NFKB1: variants seen among roughly 807,000 people sequenced by gnomAD.
NFKB1 encodes the protein nuclear factor NF-kappa-B p105 subunit.
In NFKB1, 9 loss-of-function variants were observed where a neutral mutation model predicts 105.1. The observed-to-expected ratio is 0.09, with a 90% CI of 0.05 to 0.15. The LOEUF (loss-of-function observed/expected upper bound fraction) is 0.15. NFKB1 is among the 10% of genes least tolerant of loss of function. NFKB1 has a pLI of 1.00. For synonymous variants in NFKB1, 440 were observed against 442.2 expected, an observed-to-expected ratio of 1.00 and a Z score of 0.06; for missense variants, 830 against 1,203.7, an observed-to-expected ratio of 0.69 and a Z score of 4.59.
intron 5 of NFKB1, among the ~76,000 whole-genome samples, chr4:102,545,086 A>G (rs983503359): frequency 1.3e-5 from 2 of 152,248 alleles, no homozygotes; most frequent in Admixed American, 6.5e-5. Flanking sequence ...CATATTGGCA[A>G]TTCGCCTTGA....
intron 6 of NFKB1, among the ~76,000 whole-genome samples, chr4:102,570,935 TC>T (rs1169448510): frequency 6.6e-6 from 1 of 152,090 alleles, no homozygotes; most frequent in African/African-American, 2.4e-5. Context: ...TTCAATGCCA[TC>T]CCCATCAAGC....
At chr4:102,596,422 A>T in intron 14 of NFKB1, 90 bp downstream of exon 14, 2 of 1,026,578 alleles carry the variant, frequency 1.9e-6, no homozygotes, top group South Asian at 4.9e-5. Context: ...TAAAGATGAT[A>T]TATCAATATC....
intron 11 of NFKB1, among the ~76,000 whole-genome samples, chr4:102,585,628 A>T (rs1014985794): frequency 2.0e-5 from 3 of 152,190 alleles, no homozygotes; most frequent in Non-Finnish European, 4.4e-5. Context: ...TAGGTTTCTT[A>T]AATAGTTATA....
At chr4:102,529,399 A>G (rs531190361) in intron 2 of NFKB1, among the ~76,000 whole-genome samples, 3 of 152,312 alleles carry the variant, frequency 2.0e-5, no homozygotes, top group East Asian at 3.9e-4. Context: ...TGAGGGGTAT[A>G]TTTACCACCA....
chr4:102,593,311 T>A, intron 11 of NFKB1, 114 bp from the exon 12 acceptor site: 1 of 1,001,756 alleles, frequency 1.0e-6, no homozygotes, highest in Non-Finnish European at 1.5e-6. Context: ...TTTGAGTGCT[T>A]TCTATTTCCC....
intron 20 of NFKB1, among the ~76,000 whole-genome samples, chr4:102,611,612 A>G (rs1240754705): frequency 6.6e-6 from 1 of 152,230 alleles, no homozygotes; most frequent in African/African-American, 2.4e-5. Flanking sequence ...AGACATCTCA[A>G]TTTGAGCAAG....
chr4:102,537,801 C>T, intron 4 of NFKB1, 57 bp from the exon 5 acceptor site: 1 of 1,040,850 alleles, frequency 9.6e-7, no homozygotes, highest in Admixed American at 1.9e-5. Context: ...ACCTTTGTTG[C>T]CGTAATTTTT....
At chr4:102,611,440 G>A (rs925112682) in intron 20 of NFKB1, among the ~76,000 whole-genome samples, 2 of 152,124 alleles carry the variant, frequency 1.3e-5, no homozygotes, top group African/African-American at 4.8e-5. Flanking sequence ...GTGACCCCAC[G>A]CTCTCCTTAC....
intron 17 of NFKB1, among the ~76,000 whole-genome samples, 197 bp from the exon 18 acceptor site, chr4:102,606,953 C>T: frequency 6.6e-6 from 1 of 152,180 alleles, no homozygotes; most frequent in East Asian, 1.9e-4. Context: ...GTCGTTTATT[C>T]AGAGAATGTT....
Position 102,616,434 on chromosome 4 carries a change from A to T in NFKB1, c.2750A>T (p.Asp917Val). The T allele has an allele frequency of 1.9e-6, 3 of 1,613,774 alleles. No homozygotes were observed. The highest frequency in any genetic ancestry group is 1.3e-5 in the African/African-American group (1 of 75,010). ...GTGAATTTGTGCTTTCTCCCCTCAG[A>T]CGAGCTCCGAGACAGTGACAGTGTC... is the stretch of plus-strand genomic sequence containing the variant. ...LSPASTRQQI[D>V]ELRDSDSVCD... is the part of the protein sequence containing the mutation. Residue 917 changes from aspartate to valine, a missense_variant and splice_region_variant, in exon 24 of 24, where the codon GAC becomes GTC. Physicochemically the swap from Asp to Val is radical, Grantham distance 152 (BLOSUM62 -3). This residue lies in a region of NFKB1 where 418 missense variants were observed against 575.3 expected (regional missense o/e 0.73). Transcript: ENST00000226574.
chr4:102,613,643 G>C (rs777422360), intron 23 of NFKB1, 62 bp downstream of exon 23: 21 of 1,538,914 alleles, frequency 1.4e-5, no homozygotes, highest in Admixed American at 2.0e-5. Flanking sequence ...GGTGTCTTCA[G>C]CTCTTTTTGG....
At chr4:102,612,230 T>C in intron 21 of NFKB1, 120 bp downstream of exon 21, 2 of 1,010,902 alleles carry the variant, frequency 2.0e-6, no homozygotes, top group South Asian at 2.9e-5. Flanking sequence ...AACCAAAAGA[T>C]GCTGGAGGTA....
intron 13 of NFKB1, 39 bp downstream of exon 13, chr4:102,595,020 A>C (rs762755741): frequency 7.2e-7 from 1 of 1,385,256 alleles, no homozygotes; most frequent in Admixed American, 1.7e-5. Context: ...GAAAGGAAAA[A>C]AATAATTAAT....
intron 15 of NFKB1, among the ~76,000 whole-genome samples, chr4:102,599,930 G>A (rs1036288044): frequency 4.6e-5 from 7 of 152,276 alleles, no homozygotes; most frequent in Admixed American, 2.0e-4. Flanking sequence ...TTACGCTCCT[G>A]TGAGTGACTT....
Position 102,607,731 on chromosome 4 carries a change from C to T in NFKB1, c.2207C>T (p.Ala736Val). 2 of 1,614,138 alleles carry T rather than the reference C, an allele frequency of 1.2e-6. No individual in the cohort carries two copies. Reference protein sequence around the residue: ...IAAGRGSTRLAALLKAAGADP... With the variant: ...IAAGRGSTRLVALLKAAGADP... ...GCTGGGAGAGGGTCCACCAGGCTGG[C>T]AGCTCTTCTCAAAGCAGCAGGTAAG... Residue 736 changes from alanine (A) to valine (V), a missense_variant, in exon 19 of 24, where the codon GCA becomes GTA. Physicochemically the swap from Ala to Val is moderately conservative, Grantham distance 64 (BLOSUM62 0). Coordinates refer to ENST00000226574, the MANE Select transcript of NFKB1 (RefSeq NM_003998.4).
At chr4:102,607,060 T>C in intron 17 of NFKB1, 90 bp from the exon 18 acceptor site, 1 of 1,266,062 alleles carries the variant, frequency 7.9e-7, no homozygotes, top group Non-Finnish European at 1.2e-6. Context: ...CTCCCCATGA[T>C]TCAGTTTTTG....
chr4:102,516,613 G>A (rs1456869771), intron 1 of NFKB1, among the ~76,000 whole-genome samples: 2 of 151,660 alleles, frequency 1.3e-5, no homozygotes, highest in African/African-American at 4.8e-5. Flanking sequence ...TTTCTTTGCT[G>A]ATATTGCCTA....
chr4:102,511,028 G>A (rs1739744358), intron 1 of NFKB1: 1 of 990,672 alleles, frequency 1.0e-6, no homozygotes, highest in Admixed American at 2.9e-5. Flanking sequence ...TGGAGTAGGG[G>A]AAGCATTGCT....
At position 102,614,507 on chromosome 4, in the gene NFKB1, C is replaced by G. The variant is rs1016726118; in HGVS notation, c.2749+926C>G. On this transcript the variant is annotated intron_variant, in intron 23 of 23. Transcript: ENST00000226574. Reference sequence around the variant, plus strand: ...ACAGTCCAATTGCTCTATTCCCATACATAGCAGAGCTCCTTCAAAGAATTT... The same window carrying G: ...ACAGTCCAATTGCTCTATTCCCATAGATAGCAGAGCTCCTTCAAAGAATTT... Among the ~76,000 whole-genome samples, 6 of 152,330 alleles carry G rather than the reference C, an allele frequency of 3.9e-5. No homozygotes were observed. In the East Asian group the frequency reaches 1.2e-3, roughly 29 times the overall value.
Sources: allele counts gnomAD v4.1 joint callset (sites outside exome capture counted in the v4.1 genomes callset), GRCh38; gene constraint gnomAD v4.1.1; regional missense constraint gnomAD v4.1.1; transcripts MANE v1.5; gene names NCBI Gene and HGNC (gene_info 2026-07-23, HGNC 2026-07-21).